Variants in FAM227B observed in about 807,000 individuals in gnomAD.
FAM227B encodes the protein protein FAM227B.
FAM227B carries 88 observed loss-of-function variants against 73.8 expected under a neutral mutation model. The ratio of observed to expected loss-of-function variants is 1.19; its 90% CI spans 1.00 to 1.42. The LOEUF (loss-of-function observed/expected upper bound fraction) is 1.42. Among genes scored for constraint, FAM227B ranks in the 40% most tolerant of loss-of-function variants. The pLI is 0.00. For synonymous variants in FAM227B, 210 were observed against 190.5 expected (o/e 1.10, Z -0.84); for missense variants, 632 against 590.9 (o/e 1.07, Z -0.72).
chr15:49,613,565 A>G (rs1234814519), intron 2 of FAM227B, among the ~76,000 whole-genome samples: 1 of 152,182 alleles, frequency 6.6e-6, no homozygotes, highest in East Asian at 1.9e-4. Flanking sequence ...CGATAGCACA[A>G]CTGGCTAACT....
intron 3 of FAM227B, among the ~76,000 whole-genome samples, chr15:49,599,316 T>C (rs1352934744): frequency 6.6e-6 from 1 of 152,100 alleles, no homozygotes; most frequent in Non-Finnish European, 1.5e-5. Context: ...ATTCTATTTA[T>C]TTGAATCTTT....
chr15:49,597,871 G>C (rs2076971827), intron 3 of FAM227B, among the ~76,000 whole-genome samples: 1 of 151,782 alleles, frequency 6.6e-6, no homozygotes, highest in Non-Finnish European at 1.5e-5. Context: ...AGAAAACCTA[G>C]AGGAGATGGA....
chr15:49,439,049 T>C (rs1255550044), intron 11 of FAM227B, among the ~76,000 whole-genome samples: 1 of 151,754 alleles, frequency 6.6e-6, no homozygotes, highest in Non-Finnish European at 1.5e-5. Flanking sequence ...TTAGGGACTC[T>C]TACGAGGTTG....
chr15:49,478,038 G>A (rs1211444449), intron 11 of FAM227B, among the ~76,000 whole-genome samples: 19 of 152,272 alleles, frequency 1.2e-4, no homozygotes, highest in African/African-American at 2.4e-4. Flanking sequence ...GGTACTGAGC[G>A]TAGTACCTAA....
At chr15:49,396,732 G>A (rs970385475) in intron 11 of FAM227B, among the ~76,000 whole-genome samples, 1 of 148,640 alleles carries the variant, frequency 6.7e-6, no homozygotes, top group Non-Finnish European at 1.5e-5. Context: ...CCCCAGCAGG[G>A]GCACACTGAC....
At chr15:49,533,223 G>A (rs539751560) in intron 10 of FAM227B, among the ~76,000 whole-genome samples, 16 of 151,750 alleles carry the variant, frequency 1.1e-4, no homozygotes, top group East Asian at 7.7e-4. Context: ...TCATGTCATC[G>A]TGGTCAGAAG....
chr15:49,440,121 G>C (rs2051497788), intron 11 of FAM227B, among the ~76,000 whole-genome samples: 1 of 151,788 alleles, frequency 6.6e-6, no homozygotes, highest in East Asian at 1.9e-4. Flanking sequence ...TCACGAATTA[G>C]TGGCAGTGGT....
chr15:49,355,433 C>T (rs1302676333), intron 13 of FAM227B, among the ~76,000 whole-genome samples: 4 of 152,150 alleles, frequency 2.6e-5, no homozygotes, highest in Admixed American at 6.5e-5. Context: ...TCGAGAACTA[C>T]GTGAAGAATG....
chr15:49,354,959 G>C (rs1317479063), intron 13 of FAM227B, among the ~76,000 whole-genome samples: 2 of 151,930 alleles, frequency 1.3e-5, no homozygotes, highest in Non-Finnish European at 2.9e-5. Flanking sequence ...CTAACTGGGA[G>C]GCACCCCCCA....
chr15:49,396,714 G>A (rs1307355619), intron 11 of FAM227B, among the ~76,000 whole-genome samples: 1 of 149,946 alleles, frequency 6.7e-6, no homozygotes, highest in African/African-American at 2.4e-5. Flanking sequence ...GCCTAACTGG[G>A]AGGCACCCCC....
At chr15:49,405,879 TA>T (rs1310256700) in intron 11 of FAM227B, among the ~76,000 whole-genome samples, 1 of 152,190 alleles carries the variant, frequency 6.6e-6, no homozygotes, top group East Asian at 1.9e-4. Flanking sequence ...TTTGTGGGCT[TA>T]TGTTCCTTCA....
rs571182016 is a variant in FAM227B, at chr15:49,372,422, A to G, written c.1013-1023T>C. Among the ~76,000 whole-genome samples the G allele has an allele frequency of 3.9e-5, 6 of 152,306 alleles. No individual in the cohort carries two copies. The East Asian group carries it at 1.2e-3, about 29-fold the overall frequency. On this transcript the variant is annotated intron_variant, in intron 11 of 15. Transcript: ENST00000299338. ...TAAGCTACTATTTACTAAGTAGTAG[A>G]AGGAGAGGACATAAATTGGGTCTTT...
At chr15:49,609,779 T>C (rs949634817) in intron 3 of FAM227B, among the ~76,000 whole-genome samples, 14 of 151,950 alleles carry the variant, frequency 9.2e-5, no homozygotes, top group East Asian at 5.8e-4. Context: ...TGTATAAACA[T>C]AGTCAAACCA....
chr15:49,381,672 C>A (rs368008702), intron 11 of FAM227B, among the ~76,000 whole-genome samples: 15 of 152,078 alleles, frequency 9.9e-5, no homozygotes, highest in Admixed American at 2.0e-4. Context: ...TAAATCCTAA[C>A]CAATGCAGTA....
chr15:49,503,243 T>C (rs1409301977), intron 11 of FAM227B, among the ~76,000 whole-genome samples: 1 of 152,144 alleles, frequency 6.6e-6, no homozygotes, highest in Non-Finnish European at 1.5e-5. Flanking sequence ...TGAAACTGGA[T>C]CCCTTCCTTA....
At chr15:49,445,269 C>T (rs1242735055) in intron 11 of FAM227B, among the ~76,000 whole-genome samples, 1 of 151,610 alleles carries the variant, frequency 6.6e-6, no homozygotes, top group African/African-American at 2.4e-5. Context: ...CCCTTGCCTA[C>T]ATCTCTACCT....
chr15:49,409,816 T>C (rs564397122), intron 11 of FAM227B, among the ~76,000 whole-genome samples: 2 of 152,254 alleles, frequency 1.3e-5, no homozygotes, highest in East Asian at 3.9e-4. Context: ...GCCAACTTAA[T>C]ATGACTGCAT....
At chr15:49,456,791 C>A (rs907609009) in intron 11 of FAM227B, among the ~76,000 whole-genome samples, 3 of 151,992 alleles carry the variant, frequency 2.0e-5, no homozygotes, top group African/African-American at 4.8e-5. Flanking sequence ...GATGGGAAGT[C>A]ACAAATAAAC....
intron 10 of FAM227B, among the ~76,000 whole-genome samples, chr15:49,515,367 G>A (rs887978211): frequency 4.6e-5 from 7 of 152,056 alleles, no homozygotes; most frequent in African/African-American, 7.2e-5. Context: ...TGCATGTTGC[G>A]TACCTTTTCC....
Sources: gnomAD v4.1 joint callset for allele counts (sites outside exome capture counted in the v4.1 genomes callset) on GRCh38, gnomAD v4.1.1 for gene constraint, MANE v1.5 for transcripts, NCBI Gene and HGNC (gene_info 2026-07-23, HGNC 2026-07-21) for gene names.